Variants in SIPA1L1 observed in about 807,000 individuals in gnomAD.
The protein encoded by SIPA1L1 is signal-induced proliferation-associated 1-like protein 1.
Under a neutral mutation model 162.7 loss-of-function variants are expected in SIPA1L1, and 26 were observed. That is an observed-to-expected ratio of 0.16 (90% CI 0.12 to 0.22). The LOEUF (loss-of-function observed/expected upper bound fraction) is 0.22, where lower values mean the gene tolerates loss of function less well. Among genes scored for constraint, SIPA1L1 ranks in the 10% least tolerant of loss-of-function variants. The pLI is 1.00. For missense variants in SIPA1L1, 1,874 were observed against 2,241.0 expected, an observed-to-expected ratio of 0.84 and a Z score of 3.31; for synonymous variants, 829 against 837.4, an observed-to-expected ratio of 0.99 and a Z score of 0.17.
rs17767422 is a variant in SIPA1L1, at chr14:71,334,332, G to T, written c.-465+13151G>T. On this transcript the variant is annotated intron_variant, in intron 2 of 23. Transcript: ENST00000381232. ...TGGCTACCATCTTGTGTCCTTTGTG[G>T]TCTCCTTTGCACTATTTAACTCATA... Among the ~76,000 whole-genome samples, 1,478 of 152,286 alleles carry T rather than the reference G, an allele frequency of 9.7e-3. 21 individuals are homozygous for T. Among genetic ancestry groups the T allele is most frequent in the South Asian group, 0.059 (284 of 4,822 alleles).
intron 9 of SIPA1L1, 118 bp from the exon 10 acceptor site, chr14:71,661,192 C>G: frequency 1.0e-6 from 1 of 986,034 alleles, no homozygotes; most frequent in Non-Finnish European, 1.5e-6. Context: ...TGTAGATTAC[C>G]TACCTTCATG....
intron 2 of SIPA1L1, among the ~76,000 whole-genome samples, chr14:71,415,747 G>A (rs2042713492): frequency 6.6e-6 from 1 of 151,916 alleles, no homozygotes; most frequent in Admixed American, 6.5e-5. Context: ...TCCCAGACTG[G>A]AGTGCAATGG....
chr14:71,443,668 G>A (rs193064304), intron 2 of SIPA1L1, among the ~76,000 whole-genome samples: 89 of 152,292 alleles, frequency 5.8e-4, no homozygotes, highest in African/African-American at 1.7e-3. Context: ...CTTGTGTTAT[G>A]CTAAGCGGGT....
chr14:71,697,290 C>G (rs113089988), intron 13 of SIPA1L1, among the ~76,000 whole-genome samples: 1 of 152,122 alleles, frequency 6.6e-6, no homozygotes, highest in African/African-American at 2.4e-5. Context: ...TCTTCTTTGT[C>G]TTTGTGTTAT....
chr14:71,691,858 G>A (rs936566225), intron 13 of SIPA1L1, among the ~76,000 whole-genome samples: 1 of 152,140 alleles, frequency 6.6e-6, no homozygotes, highest in Non-Finnish European at 1.5e-5. Flanking sequence ...CACTAGGAAT[G>A]TTCTTACCAC....
chr14:71,622,880 T>C lies in SIPA1L1; in HGVS notation c.1630-1168T>C, dbSNP rs1253019170. Among the ~76,000 whole-genome samples the C allele has an allele frequency of 5.9e-5, 9 of 152,302 alleles. No homozygotes were observed. The East Asian group carries it at 1.7e-3, about 29-fold the overall frequency. ...TCAGGGTCTTCTGTGCACCCCCAGC[T>C]CACAGCTGCCTCATCCATTTCTCCC... On this transcript the variant is annotated intron_variant, in intron 6 of 23. Coordinates refer to ENST00000381232, the MANE Select transcript of SIPA1L1 (RefSeq NM_001386936.1).
intron 2 of SIPA1L1, among the ~76,000 whole-genome samples, chr14:71,511,921 A>G (rs2144387196): frequency 6.6e-6 from 1 of 152,294 alleles, no homozygotes; most frequent in South Asian, 2.1e-4. Context: ...GTGCCCCGAG[A>G]GGGCTTGCCT....
At position 71,739,249 on chromosome 14, in the gene SIPA1L1, C is replaced by T. The variant is rs1198344590; in HGVS notation, c.*88C>T. On this transcript the variant is annotated 3_prime_UTR_variant, in exon 24 of 24. Transcript: ENST00000381232. ...TTATTCCCTCCATAGAAAGCATCCT[C>T]AGAGCACCTTCCCTGGCTTCCTACT... is the stretch of plus-strand genomic sequence containing the variant. 3.2e-5 allele frequency: 43 copies of T among 1,325,600 alleles called. 1 individual carries two copies. In the Admixed American group the frequency reaches 1.0e-3, roughly 31 times the overall value. 82.1% of individuals were successfully genotyped at this position (1,325,600 alleles called of 1,614,324 possible).
intron 2 of SIPA1L1, among the ~76,000 whole-genome samples, chr14:71,358,089 G>A (rs1423485030): frequency 6.6e-6 from 1 of 151,960 alleles, no homozygotes; most frequent in African/African-American, 2.4e-5. Context: ...TTGAACTACT[G>A]AACTCAAAAT....
chr14:71,551,981 A>G (rs1026950948), intron 4 of SIPA1L1, among the ~76,000 whole-genome samples: 12 of 152,094 alleles, frequency 7.9e-5, no homozygotes, highest in Admixed American at 5.9e-4. Flanking sequence ...ATATTACTAT[A>G]TTTTAATTTT....
chr14:71,602,373 T>C (rs2036877175), intron 5 of SIPA1L1, among the ~76,000 whole-genome samples: 1 of 152,076 alleles, frequency 6.6e-6, no homozygotes, highest in African/African-American at 2.4e-5. Context: ...GTTTATAGAG[T>C]TTCTCTTATT....
intron 17 of SIPA1L1, among the ~76,000 whole-genome samples, chr14:71,711,313 G>C (rs936690150): frequency 6.6e-6 from 1 of 152,198 alleles, no homozygotes; most frequent in Non-Finnish European, 1.5e-5. Flanking sequence ...CATATAGACA[G>C]AATCACACAA....
intron 2 of SIPA1L1, among the ~76,000 whole-genome samples, chr14:71,427,876 T>G (rs2043693664): frequency 6.6e-6 from 1 of 152,146 alleles, no homozygotes; most frequent in Admixed American, 6.5e-5. Flanking sequence ...CTAGTAAATC[T>G]GCCAACAAGT....
chr14:71,727,944 T>G (rs1393750298), intron 19 of SIPA1L1, among the ~76,000 whole-genome samples: 1 of 152,188 alleles, frequency 6.6e-6, no homozygotes, highest in Non-Finnish European at 1.5e-5. Context: ...GCAGGGTGTT[T>G]TAACTTTTCA....
chr14:71,642,832 A>G (rs1216090811), intron 7 of SIPA1L1, among the ~76,000 whole-genome samples: 1 of 152,214 alleles, frequency 6.6e-6, no homozygotes, highest in Non-Finnish European at 1.5e-5. Context: ...CTGGAAAAAG[A>G]AAAGCTTTGT....
At chr14:71,532,288 T>A (rs2053518454) in intron 4 of SIPA1L1, among the ~76,000 whole-genome samples, 1 of 152,220 alleles carries the variant, frequency 6.6e-6, no homozygotes. Flanking sequence ...AAATTTTCTT[T>A]GAAAAATCAA....
chr14:71,422,013 A>G (rs1179328767), intron 2 of SIPA1L1, among the ~76,000 whole-genome samples: 3 of 152,270 alleles, frequency 2.0e-5, no homozygotes, highest in African/African-American at 4.8e-5. Flanking sequence ...ACAGTGGGAA[A>G]GGATTCTTAG....
chr14:71,695,698 C>G (rs2081574880), intron 13 of SIPA1L1, among the ~76,000 whole-genome samples: 1 of 152,232 alleles, frequency 6.6e-6, no homozygotes, highest in African/African-American at 2.4e-5. Context: ...ACTGGGTTAA[C>G]ATTCCACTGC....
At chr14:71,353,060 TA>T (rs1170276061) in intron 2 of SIPA1L1, among the ~76,000 whole-genome samples, 1 of 152,224 alleles carries the variant, frequency 6.6e-6, no homozygotes, top group Non-Finnish European at 1.5e-5. Context: ...AACTGTACAC[TA>T]AAAAGAGTGA....
Sources: gnomAD v4.1 joint callset for allele counts (sites outside exome capture counted in the v4.1 genomes callset) on GRCh38, gnomAD v4.1.1 for gene constraint, MANE v1.5 for transcripts, NCBI Gene and HGNC (gene_info 2026-07-23, HGNC 2026-07-21) for gene names.